Variants in CRKL observed in about 807,000 individuals in gnomAD.
CRKL encodes crk-like protein.
A neutral mutation model predicts 23.0 loss-of-function variants in CRKL; 3 were observed. The ratio of observed to expected loss-of-function variants is 0.13; its 90% CI spans 0.06 to 0.34. The LOEUF (loss-of-function observed/expected upper bound fraction) is 0.34. Among genes scored for constraint, CRKL ranks in the 10% least tolerant of loss-of-function variants. The pLI, the probability that CRKL is intolerant of heterozygous loss-of-function variation, is 1.00. For synonymous variants in CRKL, 188 were observed against 160.7 expected (o/e 1.17, Z -1.28); for missense variants, 256 against 394.5 (o/e 0.65, Z 2.97).
chr22:20,920,856 G>A (rs1236989599), intron 1 of CRKL, among the ~76,000 whole-genome samples: 1 of 152,050 alleles, frequency 6.6e-6, no homozygotes, highest in Non-Finnish European at 1.5e-5. Context: ...GCCTTTCTCT[G>A]ACCCTACCCC....
chr22:20,920,496 C>T (rs1397918171), intron 1 of CRKL, among the ~76,000 whole-genome samples: 1 of 146,326 alleles, frequency 6.8e-6, no homozygotes, highest in African/African-American at 2.5e-5. Flanking sequence ...GAGACTCTGT[C>T]TCAAAAAAAA....
intron 2 of CRKL, among the ~76,000 whole-genome samples, chr22:20,941,536 T>TTTG (rs1246252249): frequency 1.2e-5 from 1 of 80,694 alleles, no homozygotes; most frequent in African/African-American, 4.2e-5. Flanking sequence ...TATATATATT[T>TTTG]TATGTGTGTG....
rs1341586658 is a variant in CRKL, at chr22:20,951,958, C to G, written c.*2113C>G. 2 of 223,074 alleles carry G rather than the reference C, an allele frequency of 9.0e-6. No individual in the cohort carries two copies. Among genetic ancestry groups the G allele is most frequent in the Non-Finnish European group, 1.8e-5 (2 of 111,860 alleles). 13.8% of individuals were successfully genotyped at this position (223,074 alleles called of 1,614,324 possible). Reference sequence around the variant, plus strand: ...AGTTGCCGCTTCTGGTTAGGTGTGTCAGGTTGGCTTATTTTGGGTTCAGGC... The same window carrying G: ...AGTTGCCGCTTCTGGTTAGGTGTGTGAGGTTGGCTTATTTTGGGTTCAGGC... On this transcript the variant is annotated 3_prime_UTR_variant, in exon 3 of 3. Coordinates refer to ENST00000354336, the MANE Select transcript of CRKL (RefSeq NM_005207.4).
rs201885797 is a variant in CRKL at position 20,917,894 on chromosome 22, A to G, written c.-41A>G. On this transcript the variant is annotated 5_prime_UTR_variant, in exon 1 of 3. Coordinates refer to ENST00000354336, the MANE Select transcript of CRKL (RefSeq NM_005207.4). ...TAAGGCGTGCAGAGCAGGCGAGGAC[A>G]GCCGCCGCCCCTACCGCCGCAGAGT... is the stretch of plus-strand genomic sequence containing the variant. The G allele has an allele frequency of 1.6e-5, 25 of 1,587,800 alleles. No homozygotes were observed. In the Admixed American group the frequency reaches 2.1e-4, roughly 13 times the overall value.
At chr22:20,938,604 C>T (rs1339383007) in intron 2 of CRKL, among the ~76,000 whole-genome samples, 2 of 152,202 alleles carry the variant, frequency 1.3e-5, no homozygotes, top group African/African-American at 2.4e-5. Context: ...TTTCTCACAA[C>T]TGACAAGGTC....
chr22:20,950,362 A>G lies in CRKL; in HGVS notation c.*517A>G, dbSNP rs1056958276. The G allele has an allele frequency of 5.2e-5, 12 of 232,878 alleles. No homozygotes were observed. The highest frequency in any genetic ancestry group is 2.4e-4 in the African/African-American group (11 of 45,238). The allele number at this position is 232,878 out of a possible 1,614,324, so 14.4% of individuals were successfully genotyped here. ...TTCTTTTGTTTTGGTTTGGTTTTGG[A>G]AAACTAATTAATTAGACTTGTGTGG... On this transcript the variant is annotated 3_prime_UTR_variant, in exon 3 of 3. Coordinates refer to ENST00000354336, the MANE Select transcript of CRKL (RefSeq NM_005207.4).
intron 1 of CRKL, among the ~76,000 whole-genome samples, chr22:20,927,776 G>A (rs529564443): frequency 1.4e-5 from 2 of 144,674 alleles, no homozygotes; most frequent in African/African-American, 2.6e-5. Context: ...CCGGGAGGTG[G>A]AGGTTGCAAT....
At chr22:20,934,583 T>C (rs1978098) in intron 2 of CRKL, among the ~76,000 whole-genome samples, 10,614 of 152,040 alleles carry the variant, frequency 0.07, 363 homozygotes, top group East Asian at 0.08. Context: ...ATTCCTTGTT[T>C]GCCCCAAATT....
At chr22:20,936,226 TCTTG>T (rs889611677) in intron 2 of CRKL, among the ~76,000 whole-genome samples, 11 of 152,132 alleles carry the variant, frequency 7.2e-5, no homozygotes, top group African/African-American at 2.7e-4. Context: ...TAAGGGACCC[TCTTG>T]CTTCAAAAAA....
intron 2 of CRKL, among the ~76,000 whole-genome samples, chr22:20,946,637 T>C (rs1569138364): frequency 6.6e-6 from 1 of 152,092 alleles, no homozygotes. Flanking sequence ...AAGATTGGTC[T>C]GCCCTCTAAG....
intron 2 of CRKL, among the ~76,000 whole-genome samples, chr22:20,940,655 C>T (rs1921840468): frequency 2.0e-5 from 3 of 147,474 alleles, no homozygotes; most frequent in South Asian, 2.1e-4. Context: ...TCTTGCTCTT[C>T]ATTCCCATAA....
chr22:20,940,818 C>G (rs1921845217), intron 2 of CRKL, among the ~76,000 whole-genome samples: 1 of 152,144 alleles, frequency 6.6e-6, no homozygotes, highest in Non-Finnish European at 1.5e-5. Flanking sequence ...CCTTTACTGA[C>G]TGACCTGGAA....
intron 2 of CRKL, among the ~76,000 whole-genome samples, chr22:20,938,186 C>T (rs1921732729): frequency 6.6e-6 from 1 of 151,972 alleles, no homozygotes. Flanking sequence ...TCGTTATTCC[C>T]CTAGATAGTA....
Position 20,953,586 on chromosome 22 carries a change from C to G in CRKL, c.*3741C>G. ...CTATAAAATTAACAGTATTAAATGACTTATATTCTTAGAATACATCGAGTG... is the reference window on the plus strand; with the variant it reads ...CTATAAAATTAACAGTATTAAATGAGTTATATTCTTAGAATACATCGAGTG... On this transcript the variant is annotated 3_prime_UTR_variant, in exon 3 of 3. Coordinates refer to ENST00000354336, the MANE Select transcript of CRKL (RefSeq NM_005207.4). 4.6e-6 allele frequency: 1 copy of G among 217,982 alleles called. No homozygotes were observed. Among genetic ancestry groups the G allele is most frequent in the Non-Finnish European group, 9.2e-6 (1 of 108,410 alleles). The allele number at this position is 217,982 out of a possible 1,614,324, so 13.5% of individuals were successfully genotyped here.
In CRKL at chr22:20,927,128, A is replaced by AAAAAAG. The variant is rs1555918908; in HGVS notation, c.312-6646_312-6645insGAAAAA. 5.6e-5 allele frequency among the ~76,000 whole-genome samples: 7 copies of AAAAAAG among 125,816 alleles called. No individual in the cohort carries two copies. In the East Asian group the frequency reaches 1.8e-3, roughly 33 times the overall value. The allele number at this position is 125,816 out of a possible 152,430, so 82.5% of individuals were successfully genotyped here. ...CTCCGTCTCAAAAAAAAAAAAAAAA[A>AAAAAAG]AAAAAAAAGAATGGTGGTTAAAGCA... On this transcript the variant is annotated intron_variant, in intron 1 of 2. Coordinates refer to ENST00000354336, the MANE Select transcript of CRKL (RefSeq NM_005207.4).
chr22:20,932,247 C>T (rs752193780), intron 1 of CRKL, among the ~76,000 whole-genome samples: 1 of 151,500 alleles, frequency 6.6e-6, no homozygotes, highest in Non-Finnish European at 1.5e-5. Flanking sequence ...TATCTGGGAC[C>T]GCAGGTGTGT....
intron 1 of CRKL, among the ~76,000 whole-genome samples, chr22:20,923,300 G>A (rs1293688593): frequency 3.3e-5 from 5 of 150,912 alleles, no homozygotes; most frequent in African/African-American, 9.8e-5. Flanking sequence ...TTTTTGAGAC[G>A]GAGTCTTGTT....
rs760471921 is a variant in CRKL at position 20,933,957 on chromosome 22, C to T, written c.490C>T (p.Arg164Trp). The T allele has an allele frequency of 2.5e-6, 4 of 1,614,114 alleles. No homozygotes were observed. The highest frequency in any genetic ancestry group is 1.7e-5 in the Admixed American group (1 of 59,994). The change falls in exon 2 of 3, where the codon CGG becomes TGG. Residue 164 changes from arginine (R) to tryptophan (W), a missense_variant. Physicochemically the swap from Arg to Trp is moderately radical, Grantham distance 101 (BLOSUM62 -3). Coordinates refer to ENST00000354336, the MANE Select transcript of CRKL (RefSeq NM_005207.4). ...EKPEEQWWSARNKDGRVGMIP... is the reference protein window; with the variant it reads ...EKPEEQWWSAWNKDGRVGMIP... ...GCCTGAAGAACAGTGGTGGAGTGCC[C>T]GGAACAAGGATGGCCGGGTTGGGAT...
rs913167982 is a variant in CRKL, at chr22:20,950,415, T to G, written c.*570T>G. ...GTTTTTTTTTGTTTTGTTTTGTTTGTTTTGTTTTGTTTTTTTGAGACGGTG... is the reference window on the plus strand; with the variant it reads ...GTTTTTTTTTGTTTTGTTTTGTTTGGTTTGTTTTGTTTTTTTGAGACGGTG... On this transcript the variant is annotated 3_prime_UTR_variant, in exon 3 of 3. Transcript: ENST00000354336. 1 of 232,516 alleles carries G rather than the reference T, an allele frequency of 4.3e-6. No individual in the cohort carries two copies. The highest frequency in any genetic ancestry group is 2.2e-5 in the African/African-American group (1 of 45,218). 14.4% of individuals were successfully genotyped at this position (232,516 alleles called of 1,614,324 possible). A position where few individuals can be genotyped will look rare whatever the true frequency, so the allele number is the denominator to read the frequency against.
Sources: allele counts gnomAD v4.1 joint callset (sites outside exome capture counted in the v4.1 genomes callset), GRCh38; gene constraint gnomAD v4.1.1; transcripts MANE v1.5; gene names NCBI Gene and HGNC (gene_info 2026-07-23, HGNC 2026-07-21).